The following PIP4K2A variants were observed in gnomAD, a reference collection of about 807,000 sequenced individuals.
PIP4K2A encodes phosphatidylinositol 5-phosphate 4-kinase type-2 alpha.
A neutral mutation model predicts 42.9 loss-of-function variants in PIP4K2A; 14 were observed. That is an observed-to-expected ratio of 0.33 (90% CI 0.22 to 0.51). The LOEUF is 0.51. Among genes scored for constraint, PIP4K2A ranks in the 20% least tolerant of loss-of-function variants. The pLI is 0.97. For missense variants in PIP4K2A, 434 were observed against 519.8 expected (o/e 0.83, Z 1.61); for synonymous variants, 192 against 192.2 (o/e 1.00, Z 0.01).
intron 5 of PIP4K2A, among the ~76,000 whole-genome samples, chr10:22,572,210 G>T (rs912582551): frequency 7.2e-5 from 11 of 152,166 alleles, no homozygotes; most frequent in Non-Finnish European, 1.5e-4. Context: ...TAGGCTTTGT[G>T]GTCCCAAATG....
intron 1 of PIP4K2A, among the ~76,000 whole-genome samples, chr10:22,705,039 C>T (rs1048365577): frequency 6.6e-5 from 10 of 151,774 alleles, no homozygotes; most frequent in African/African-American, 1.9e-4. Flanking sequence ...TGGAAGCTGA[C>T]GGCTTCTATT....
At chr10:22,639,709 G>C (rs957599429) in intron 1 of PIP4K2A, among the ~76,000 whole-genome samples, 1 of 152,122 alleles carries the variant, frequency 6.6e-6, no homozygotes, top group Non-Finnish European at 1.5e-5. Context: ...AGTTGCCATA[G>C]CTTAAAACTG....
At chr10:22,556,531 G>A (rs1009281635) in intron 6 of PIP4K2A, among the ~76,000 whole-genome samples, 3 of 152,158 alleles carry the variant, frequency 2.0e-5, no homozygotes, top group Admixed American at 6.5e-5. Flanking sequence ...ATGATTTTAC[G>A]TATCTGGCCA....
At chr10:22,558,745 T>A (rs75683642) in intron 6 of PIP4K2A, among the ~76,000 whole-genome samples, 3,035 of 152,284 alleles carry the variant, frequency 0.02, 79 homozygotes, top group African/African-American at 0.068. Context: ...CATCTTATAA[T>A]TTTTATTTTG....
chr10:22,591,116 T>C (rs950234004), intron 4 of PIP4K2A, among the ~76,000 whole-genome samples: 1 of 152,222 alleles, frequency 6.6e-6, no homozygotes, highest in Non-Finnish European at 1.5e-5. Flanking sequence ...AATGGAATTA[T>C]GCTCGGGGAT....
intron 1 of PIP4K2A, among the ~76,000 whole-genome samples, chr10:22,664,053 GTATATATACATATATATATATACGTATA>G (rs1564459716): frequency 1.1e-4 from 6 of 55,598 alleles, no homozygotes; most frequent in Admixed American, 3.6e-4. Flanking sequence ...ATATACATAT[GTATATATACATATATATATATACGTATA>G]TATATATACA....
intron 1 of PIP4K2A, among the ~76,000 whole-genome samples, chr10:22,643,353 TG>T (rs1466739592): frequency 1.3e-5 from 2 of 152,174 alleles, no homozygotes; most frequent in African/African-American, 4.8e-5. Flanking sequence ...GATAGAAGTT[TG>T]AGTCACTGAC....
At chr10:22,544,085 C>G (rs1836198384) in intron 7 of PIP4K2A, among the ~76,000 whole-genome samples, 1 of 152,116 alleles carries the variant, frequency 6.6e-6, no homozygotes, top group Non-Finnish European at 1.5e-5. Flanking sequence ...TCTTCGCAAC[C>G]CTAGGAGGAA....
chr10:22,622,260 C>T (rs1048141959), intron 1 of PIP4K2A, among the ~76,000 whole-genome samples: 18 of 152,214 alleles, frequency 1.2e-4, no homozygotes, highest in African/African-American at 3.6e-4. Flanking sequence ...CATGTGCTCC[C>T]AGATGCTGAG....
At chr10:22,609,448 G>A (rs1051143832) in intron 2 of PIP4K2A, among the ~76,000 whole-genome samples, 172 bp downstream of exon 2, 3 of 152,218 alleles carry the variant, frequency 2.0e-5, no homozygotes, top group Admixed American at 6.5e-5. Flanking sequence ...TTATCCCAGA[G>A]AGCCTGCTGT....
chr10:22,651,187 T>C (rs1367560134), intron 1 of PIP4K2A, among the ~76,000 whole-genome samples: 1 of 152,200 alleles, frequency 6.6e-6, no homozygotes, highest in Non-Finnish European at 1.5e-5. Flanking sequence ...ACCAGCTATC[T>C]GGACTCACTA....
At chr10:22,603,679 A>C (rs1837844681) in intron 3 of PIP4K2A, among the ~76,000 whole-genome samples, 1 of 152,188 alleles carries the variant, frequency 6.6e-6, no homozygotes, top group Non-Finnish European at 1.5e-5. Flanking sequence ...TGGTAGGTAC[A>C]AACAAATACT....
At chr10:22,558,910 GTA>G (rs1202234827) in intron 6 of PIP4K2A, among the ~76,000 whole-genome samples, 1 of 152,110 alleles carries the variant, frequency 6.6e-6, no homozygotes, top group African/African-American at 2.4e-5. Context: ...AAGCTAATAC[GTA>G]AAAAGTAAAA....
intron 5 of PIP4K2A, among the ~76,000 whole-genome samples, chr10:22,568,124 TTGCTCACC>T (rs1836894061): frequency 6.6e-6 from 1 of 152,264 alleles, no homozygotes; most frequent in South Asian, 2.1e-4. Flanking sequence ...TGACTCTGTC[TTGCTCACC>T]TGTGTTTCTG....
intron 1 of PIP4K2A, among the ~76,000 whole-genome samples, chr10:22,700,223 AG>A (rs1833689352): frequency 6.6e-6 from 1 of 152,240 alleles, no homozygotes; most frequent in Non-Finnish European, 1.5e-5. Flanking sequence ...GGCATACTCA[AG>A]GAAAACTGCT....
chr10:22,610,865 G>A (rs192545007), intron 1 of PIP4K2A, among the ~76,000 whole-genome samples: 2 of 152,170 alleles, frequency 1.3e-5, no homozygotes, highest in East Asian at 3.9e-4. Flanking sequence ...CTCCGGAGGA[G>A]AGCAACCCCT....
chr10:22,599,704 C>T (rs756117471), intron 3 of PIP4K2A, among the ~76,000 whole-genome samples: 3 of 152,184 alleles, frequency 2.0e-5, no homozygotes, highest in Admixed American at 1.3e-4. Context: ...AGTTCATTTT[C>T]GCCTATTTTG....
chr10:22,619,435 TTTTC>T (rs1392063859), intron 1 of PIP4K2A, among the ~76,000 whole-genome samples: 59 of 131,702 alleles, frequency 4.5e-4, no homozygotes, highest in African/African-American at 2.3e-3. Flanking sequence ...TCTTTTTCTT[TTTTC>T]TTTTTTTTTT....
At chr10:22,692,165 T>C (rs1839884402) in intron 1 of PIP4K2A, among the ~76,000 whole-genome samples, 1 of 151,658 alleles carries the variant, frequency 6.6e-6, no homozygotes, top group African/African-American at 2.4e-5. Flanking sequence ...CTGGGGGTGA[T>C]GGGAGACAGT....
Sources: allele counts gnomAD v4.1 joint callset (sites outside exome capture counted in the v4.1 genomes callset), GRCh38; gene constraint gnomAD v4.1.1; transcripts MANE v1.5; gene names NCBI Gene and HGNC (gene_info 2026-07-23, HGNC 2026-07-21).